PINX1: variants seen among roughly 807,000 people sequenced by gnomAD.
PINX1 encodes the protein PIN2/TERF1-interacting telomerase inhibitor 1.
In PINX1, 34 loss-of-function variants were observed where a neutral mutation model predicts 25.4. That is an observed-to-expected ratio of 1.34 (90% CI 1.02 to 1.78). The LOEUF is 1.78. Ranked by LOEUF, PINX1 falls within the 40% of genes most tolerant of loss-of-function variation. The pLI is 0.00. For missense variants in PINX1, 592 were observed against 404.9 expected (o/e 1.46, Z -3.97); for synonymous variants, 197 against 147.7 (o/e 1.33, Z -2.42).
At chr8:10,821,920 T>C (rs1586195929) in intron 5 of PINX1, 3 of 152,180 alleles carry the variant, frequency 2.0e-5, no homozygotes, top group African/African-American at 7.2e-5. Flanking sequence ...GATGTCAAAA[T>C]GTGAACACAC....
chr8:10,820,678 C>G lies in PINX1; in HGVS notation c.395-409G>C, dbSNP rs189770543. 2.2e-4 allele frequency among the ~76,000 whole-genome samples: 33 copies of G among 152,194 alleles called. No individual in the cohort carries two copies. The East Asian group carries it at 5.2e-3, about 24-fold the overall frequency. On this transcript the variant is annotated intron_variant, in intron 5 of 6. Transcript: ENST00000314787. ...CTTACTTAGAAGATTACGAAATACA[C>G]ATGAAAAAATATCACTAGATACACA... is the stretch of plus-strand genomic sequence containing the variant.
intron 6 of PINX1, among the ~76,000 whole-genome samples, chr8:10,772,842 T>A (rs1801271256): frequency 1.3e-5 from 2 of 152,194 alleles, no homozygotes; most frequent in African/African-American, 4.8e-5. Context: ...GTGGCATGTA[T>A]TAGAAGCCCA....
intron 6 of PINX1, among the ~76,000 whole-genome samples, chr8:10,799,836 G>C (rs1041257816): frequency 6.6e-6 from 1 of 152,210 alleles, no homozygotes; most frequent in African/African-American, 2.4e-5. Context: ...GGGCAAAGTA[G>C]GTTTTTTCCA....
rs797005101 is a variant in PINX1 at position 10,767,169 on chromosome 8, A to G, written c.472-1253T>C. Among the ~76,000 whole-genome samples the G allele has an allele frequency of 3.3e-5, 5 of 152,316 alleles. 1 individual carries two copies. Among genetic ancestry groups the G allele is most frequent in the African/African-American group, 1.2e-4 (5 of 41,568 alleles). ...TGAATAAAGAAATCTCCAAATCAGG[A>G]TTCTACTAATGATCCTAAACTTGGC... On this transcript the variant is annotated intron_variant, in intron 6 of 6. Transcript: ENST00000314787.
In PINX1 at chr8:10,765,373, T is replaced by C. The variant is rs758536333; in HGVS notation, c.*28A>G. 31 of 1,551,422 alleles carry C rather than the reference T, an allele frequency of 2.0e-5. No homozygotes were observed. The highest frequency in any genetic ancestry group is 2.6e-5 in the Non-Finnish European group (30 of 1,154,604). On this transcript the variant is annotated 3_prime_UTR_variant, in exon 7 of 7. Transcript: ENST00000314787. ...CCCCCGCAGTGCCCTGACAGCTGAG[T>C]GGTCGGAAGGCCCCGGCTGGGAAGG...
intron 6 of PINX1, among the ~76,000 whole-genome samples, chr8:10,816,901 C>T (rs1797715115): frequency 6.6e-6 from 1 of 152,210 alleles, no homozygotes; most frequent in Admixed American, 6.5e-5. Flanking sequence ...TCAGTTTCCT[C>T]ACTGCTACAG....
chr8:10,827,454 G>T (rs936069300), intron 4 of PINX1, among the ~76,000 whole-genome samples: 2 of 152,018 alleles, frequency 1.3e-5, no homozygotes, highest in African/African-American at 2.4e-5. Flanking sequence ...GTTGATCTGG[G>T]GTTAGAGTCA....
intron 6 of PINX1, among the ~76,000 whole-genome samples, chr8:10,814,489 T>C (rs1797633937): frequency 1.3e-5 from 2 of 152,328 alleles, no homozygotes; most frequent in South Asian, 4.2e-4. Context: ...AAAACTATTC[T>C]AGAGTGAAAT....
chr8:10,839,847 A>T lies in PINX1; in HGVS notation c.-91T>A. 1.6e-6 allele frequency: 2 copies of T among 1,284,760 alleles called. No homozygotes were observed. Among genetic ancestry groups the T allele is most frequent in the Non-Finnish European group, 2.2e-6 (2 of 921,686 alleles). 79.6% of individuals were successfully genotyped at this position (1,284,760 alleles called of 1,614,324 possible). A position where few individuals can be genotyped will look rare whatever the true frequency, so the allele number is the denominator to read the frequency against. ...ACTCCAGGAGAATCAGGACGTGCGT[A>T]ACTCCCTCGCCGGCGGACTGCAGCG... On this transcript the variant is annotated 5_prime_UTR_variant, in exon 1 of 7. Transcript: ENST00000314787.
chr8:10,835,638 A>G lies in PINX1; in HGVS notation c.20-863T>C, dbSNP rs187017405. On this transcript the variant is annotated intron_variant, in intron 1 of 6. Transcript: ENST00000314787. ...CGCCTTTCCGGTTTCCCATTAGACC[A>G]TCATCTCCTTAGGGCTCATATTCAT... Among the ~76,000 whole-genome samples the G allele has an allele frequency of 5.0e-4, 76 of 152,314 alleles. 1 individual carries two copies. Among genetic ancestry groups the G allele is most frequent in the African/African-American group, 1.8e-3 (74 of 41,556 alleles).
At chr8:10,834,805 A>T in intron 1 of PINX1, 30 bp from the exon 2 acceptor site, 1 of 1,478,418 alleles carries the variant, frequency 6.8e-7, no homozygotes, top group Non-Finnish European at 9.4e-7. Context: ...ATCATCAGCA[A>T]TGGAGATGAT....
At position 10,765,379 on chromosome 8, in the gene PINX1, GA is replaced by G; in HGVS notation, c.*21del. On this transcript the variant is annotated 3_prime_UTR_variant, in exon 7 of 7. Coordinates refer to ENST00000314787, the MANE Select transcript of PINX1 (RefSeq NM_017884.6). ...CAGTGCCCTGACAGCTGAGTGGTCG[GA>G]AGGCCCCGGCTGGGAAGGATTCATT... is the stretch of plus-strand genomic sequence containing the variant. 1 of 1,563,920 alleles carries G rather than the reference GA, an allele frequency of 6.4e-7. No individual in the cohort carries two copies. The highest frequency in any genetic ancestry group is 8.6e-7 in the Non-Finnish European group (1 of 1,160,672).
intron 6 of PINX1, among the ~76,000 whole-genome samples, chr8:10,807,661 A>C (rs1205435093): frequency 6.6e-6 from 1 of 152,214 alleles, no homozygotes; most frequent in East Asian, 1.9e-4. Context: ...AATGGCTATC[A>C]GAAGACACTA....
At chr8:10,810,268 TC>T (rs1341908397) in intron 6 of PINX1, among the ~76,000 whole-genome samples, 2 of 152,144 alleles carry the variant, frequency 1.3e-5, no homozygotes, top group Admixed American at 1.3e-4. Flanking sequence ...TTTCCTTCCT[TC>T]CCAACTGATT....
At chr8:10,812,729 C>G (rs193282911) in intron 6 of PINX1, among the ~76,000 whole-genome samples, 7 of 152,344 alleles carry the variant, frequency 4.6e-5, no homozygotes, top group African/African-American at 1.7e-4. Flanking sequence ...CAGGCCCGCA[C>G]AGAGCCGTTC....
intron 1 of PINX1, among the ~76,000 whole-genome samples, chr8:10,835,074 G>C (rs188234844): frequency 4.6e-5 from 7 of 152,084 alleles, no homozygotes; most frequent in Non-Finnish European, 7.4e-5. Flanking sequence ...TCCATACTCC[G>C]CCATCAGCAC....
chr8:10,804,810 T>C (rs773395940), intron 6 of PINX1, among the ~76,000 whole-genome samples: 33 of 151,590 alleles, frequency 2.2e-4, no homozygotes, highest in Admixed American at 2.0e-4. Context: ...AAGTAAGATA[T>C]CCAATTATTA....
At chr8:10,787,304 G>C (rs945336993) in intron 6 of PINX1, among the ~76,000 whole-genome samples, 1 of 152,000 alleles carries the variant, frequency 6.6e-6, no homozygotes, top group Non-Finnish European at 1.5e-5. Flanking sequence ...ACAGCTCACT[G>C]TAGCCTCGAA....
At chr8:10,832,849 C>G (rs1798263370) in intron 3 of PINX1, 43 bp downstream of exon 3, 1 of 1,155,476 alleles carries the variant, frequency 8.7e-7, no homozygotes, top group East Asian at 2.4e-5. Flanking sequence ...AAGACTGAAG[C>G]CAATTATGCA....
Sources: gnomAD v4.1 joint callset for allele counts (sites outside exome capture counted in the v4.1 genomes callset) on GRCh38, gnomAD v4.1.1 for gene constraint, MANE v1.5 for transcripts, NCBI Gene and HGNC (gene_info 2026-07-23, HGNC 2026-07-21) for gene names.